The following PCDHA1 variants were observed in gnomAD, a reference collection of about 807,000 sequenced individuals.
PCDHA1 encodes protocadherin alpha-1.
In PCDHA1, 42 loss-of-function variants were observed where a neutral mutation model predicts 61.3. That is an observed-to-expected ratio of 0.69 (90% CI 0.54 to 0.89). The LOEUF (loss-of-function observed/expected upper bound fraction) is 0.89, where lower values mean the gene tolerates loss of function less well. Ranked by LOEUF, PCDHA1 falls within the 40% of genes least tolerant of loss-of-function variation. The pLI is 0.00. For missense variants in PCDHA1, 1,256 were observed against 1,235.3 expected, an observed-to-expected ratio of 1.02 and a Z score of -0.25; for synonymous variants, 610 against 553.8, an observed-to-expected ratio of 1.10 and a Z score of -1.43.
intron 1 of PCDHA1, among the ~76,000 whole-genome samples, chr5:140,901,967 T>C (rs2069024315): frequency 6.6e-6 from 1 of 152,134 alleles, no homozygotes; most frequent in East Asian, 1.9e-4. Flanking sequence ...CTATCGTAAA[T>C]GGGATTACTT....
rs782337552 is a variant in PCDHA1, at chr5:140,856,686, C to G, written c.2394+68002C>G. On this transcript the variant is annotated intron_variant, in intron 1 of 3. Transcript: ENST00000504120. ...CCTCAGCTAAAGTTGTTGTTGACAG[C>G]AACTGATGGAGGCAAACCTGAATTT... is the stretch of plus-strand genomic sequence containing the variant. The G allele has an allele frequency of 1.9e-6, 3 of 1,597,202 alleles. No individual in the cohort carries two copies. The East Asian group carries it at 6.7e-5, about 36-fold the overall frequency.
intron 1 of PCDHA1, chr5:140,863,201 C>A: frequency 1.1e-6 from 1 of 925,678 alleles, no homozygotes; most frequent in Admixed American, 1.8e-5. Context: ...GCGTCGCTGG[C>A]GGAGAGCAGC....
chr5:140,842,759 C>A (rs2150343672), intron 1 of PCDHA1: 1 of 1,594,806 alleles, frequency 6.3e-7, no homozygotes, highest in East Asian at 2.2e-5. Flanking sequence ...GGTGTCTGCG[C>A]GAGACGCGGA....
intron 1 of PCDHA1, among the ~76,000 whole-genome samples, chr5:140,887,392 G>A (rs1484199271): frequency 1.3e-5 from 2 of 152,024 alleles, no homozygotes; most frequent in African/African-American, 2.4e-5. Context: ...CACCGCGCCC[G>A]GCTCTTTATC....
At chr5:140,983,184 T>C (rs1367703446) in intron 3 of PCDHA1, among the ~76,000 whole-genome samples, 2 of 152,192 alleles carry the variant, frequency 1.3e-5, no homozygotes, top group Non-Finnish European at 2.9e-5. Flanking sequence ...CACAATTTCT[T>C]AGTTTAGAGG....
At chr5:140,951,542 A>AG (rs1554219955) in intron 1 of PCDHA1, among the ~76,000 whole-genome samples, 1 of 151,820 alleles carries the variant, frequency 6.6e-6, no homozygotes, top group African/African-American at 2.4e-5. Context: ...GGAGCAAGGG[A>AG]CGGGGGGAAG....
chr5:140,835,736 C>A lies in PCDHA1; in HGVS notation c.2394+47052C>A, dbSNP rs2150243450. 6.2e-6 allele frequency: 10 copies of A among 1,613,590 alleles called. No individual in the cohort carries two copies. The African/African-American group carries it at 1.1e-4, about 17-fold the overall frequency. ...TGGAGGTGGCCGACGTGAACGACAA[C>A]GCCCCGGCGTTCGCGCAGCCCGAGT... is the stretch of plus-strand genomic sequence containing the variant. On this transcript the variant is annotated intron_variant, in intron 1 of 3. Transcript: ENST00000504120.
At chr5:140,842,699 T>A in intron 1 of PCDHA1, 3 of 1,595,060 alleles carry the variant, frequency 1.9e-6, no homozygotes, top group Non-Finnish European at 2.6e-6. Context: ...GCAGCCCGAG[T>A]ACACGGTGTT....
At position 140,941,202 on chromosome 5, in the gene PCDHA1, C is replaced by CCCTTCTTTCTTTCTTT. The variant is rs2092811279; in HGVS notation, c.2395-37746_2395-37745insCTTCTTTCTTTCTTTC. Among the ~76,000 whole-genome samples, 5 of 122,742 alleles carry CCCTTCTTTCTTTCTTT rather than the reference C, an allele frequency of 4.1e-5. No homozygotes were observed. The East Asian group carries it at 1.1e-3, about 27-fold the overall frequency. 80.5% of individuals were successfully genotyped at this position (122,742 alleles called of 152,430 possible). On this transcript the variant is annotated intron_variant, in intron 1 of 3. Transcript: ENST00000504120. ...TCCTGCTTCTTTTTTTTTCTTTCTTCCTTTCTTTCTTCCTTTCTTTCTTTC... is the reference window on the plus strand; with the variant it reads ...TCCTGCTTCTTTTTTTTTCTTTCTTCCCTTCTTTCTTTCTTTCTTTCTTTCTTCCTTTCTTTCTTTC...
chr5:140,839,737 C>T (rs1554137559), intron 1 of PCDHA1, among the ~76,000 whole-genome samples: 1 of 151,964 alleles, frequency 6.6e-6, no homozygotes, highest in Non-Finnish European at 1.5e-5. Flanking sequence ...AGAAAATACC[C>T]TTATTTGCCT....
chr5:140,968,521 C>G, intron 1 of PCDHA1: 1 of 1,614,180 alleles, frequency 6.2e-7, no homozygotes, highest in Non-Finnish European at 8.5e-7. Context: ...CTACCTCAAC[C>G]AACTCGTCAG....
At chr5:140,895,935 C>T (rs922054631) in intron 1 of PCDHA1, among the ~76,000 whole-genome samples, 20 of 152,028 alleles carry the variant, frequency 1.3e-4, no homozygotes, top group African/African-American at 4.1e-4. Flanking sequence ...CTCAGCCTCC[C>T]GAGTAGCTGG....
At chr5:140,863,452 G>A in intron 1 of PCDHA1, 4 of 561,032 alleles carry the variant, frequency 7.1e-6, no homozygotes, top group South Asian at 2.9e-5. Flanking sequence ...TCGCAGCAAA[G>A]GAGATTTTAC....
intron 1 of PCDHA1, chr5:140,869,566 G>C (rs782325882): frequency 6.2e-7 from 1 of 1,614,178 alleles, no homozygotes; most frequent in Middle Eastern, 1.6e-4. Context: ...TTTTCCACTA[G>C]AGGGAGCTTC....
Position 140,958,669 on chromosome 5 carries a change from A to G in PCDHA1, c.2395-20280A>G, listed in dbSNP as rs570899981. On this transcript the variant is annotated intron_variant, in intron 1 of 3. Coordinates refer to ENST00000504120, the MANE Select transcript of PCDHA1 (RefSeq NM_018900.4). ...CACAGAAAGCTATGATGAAATTTTA[A>G]TTATAAAGGATATTGAATATCCTAG... Among the ~76,000 whole-genome samples, 3 of 152,316 alleles carry G rather than the reference A, an allele frequency of 2.0e-5. No individual in the cohort carries two copies. In the East Asian group the frequency reaches 5.8e-4, roughly 29 times the overall value.
intron 1 of PCDHA1, chr5:140,857,132 G>C: frequency 6.3e-7 from 1 of 1,598,262 alleles, no homozygotes; most frequent in Non-Finnish European, 8.6e-7. Flanking sequence ...GAAAGAAGAT[G>C]CTCAAGTGGG....
At chr5:140,931,023 T>C (rs146623712) in intron 1 of PCDHA1, among the ~76,000 whole-genome samples, 1 of 152,322 alleles carries the variant, frequency 6.6e-6, no homozygotes, top group African/African-American at 2.4e-5. Context: ...AATTTTCTGA[T>C]TGTAGAGCTA....
At chr5:140,815,650 A>G (rs1765775116) in intron 1 of PCDHA1, 1 of 152,012 alleles carries the variant, frequency 6.6e-6, no homozygotes, top group African/African-American at 2.4e-5. Flanking sequence ...GTTTTTATCT[A>G]TATATTTATC....
intron 1 of PCDHA1, chr5:140,823,391 C>G (rs2150125471): frequency 6.2e-7 from 1 of 1,612,850 alleles, no homozygotes; most frequent in East Asian, 2.2e-5. Context: ...GCGCGCGACG[C>G]GGGCGTGCCG....
Sources: allele counts gnomAD v4.1 joint callset (sites outside exome capture counted in the v4.1 genomes callset), GRCh38; gene constraint gnomAD v4.1.1; transcripts MANE v1.5; gene names NCBI Gene and HGNC (gene_info 2026-07-23, HGNC 2026-07-21).